Variants in ZDHHC14 observed in about 807,000 individuals in gnomAD.
ZDHHC14 encodes the protein palmitoyltransferase ZDHHC14.
A neutral mutation model predicts 47.7 loss-of-function variants in ZDHHC14; 16 were observed. The ratio of observed to expected loss-of-function variants is 0.34; its 90% CI spans 0.23 to 0.51. ZDHHC14 has a LOEUF of 0.51. Among genes scored for constraint, ZDHHC14 ranks in the 20% least tolerant of loss-of-function variants. The pLI, the probability that ZDHHC14 is intolerant of heterozygous loss-of-function variation, is 0.97. For missense variants in ZDHHC14, 515 were observed against 662.5 expected, an observed-to-expected ratio of 0.78 and a Z score of 2.44; for synonymous variants, 293 against 278.9, an observed-to-expected ratio of 1.05 and a Z score of -0.50.
intron 1 of ZDHHC14, among the ~76,000 whole-genome samples, chr6:157,494,613 C>T (rs1780010777): frequency 6.6e-6 from 1 of 152,232 alleles, no homozygotes; most frequent in Non-Finnish European, 1.5e-5. Flanking sequence ...ACATGACTTA[C>T]TTTCCTTGTA....
chr6:157,433,586 G>A (rs981378449), intron 1 of ZDHHC14, among the ~76,000 whole-genome samples: 4 of 152,140 alleles, frequency 2.6e-5, no homozygotes, highest in South Asian at 2.1e-4. Context: ...TGGTTACAAC[G>A]GGAGGAGTTG....
intron 1 of ZDHHC14, among the ~76,000 whole-genome samples, chr6:157,487,610 T>C (rs1313708084): frequency 6.6e-6 from 1 of 152,252 alleles, no homozygotes; most frequent in Non-Finnish European, 1.5e-5. Context: ...ATGGCGGAAC[T>C]GGGATGAAGC....
chr6:157,385,645 T>C (rs1777295256), intron 1 of ZDHHC14, among the ~76,000 whole-genome samples: 1 of 152,220 alleles, frequency 6.6e-6, no homozygotes, highest in African/African-American at 2.4e-5. Context: ...CTTTAGCCCC[T>C]GGAGAAAGGC....
At chr6:157,652,282 C>T (rs776800225) in intron 7 of ZDHHC14, among the ~76,000 whole-genome samples, 13 of 152,160 alleles carry the variant, frequency 8.5e-5, no homozygotes, top group Non-Finnish European at 4.4e-5. Context: ...TCCTGTGTTC[C>T]ACAGGACTGA....
At chr6:157,450,131 G>C (rs1027376148) in intron 1 of ZDHHC14, among the ~76,000 whole-genome samples, 1 of 151,770 alleles carries the variant, frequency 6.6e-6, no homozygotes, top group African/African-American at 2.4e-5. Context: ...GAGGACTTCT[G>C]CTTGGGATGG....
intron 8 of ZDHHC14, among the ~76,000 whole-genome samples, chr6:157,661,387 C>T (rs1031367525): frequency 6.6e-6 from 1 of 152,214 alleles, no homozygotes; most frequent in African/African-American, 2.4e-5. Context: ...TTTCATCTTA[C>T]ATGCTGGAAG....
At chr6:157,625,143 A>T (rs566454549) in intron 3 of ZDHHC14, among the ~76,000 whole-genome samples, 3 of 152,232 alleles carry the variant, frequency 2.0e-5, no homozygotes, top group Non-Finnish European at 2.9e-5. Flanking sequence ...TGCACTGGGG[A>T]CTAAGTTTCC....
chr6:157,414,344 C>G (rs1004407972), intron 1 of ZDHHC14, among the ~76,000 whole-genome samples: 3 of 152,220 alleles, frequency 2.0e-5, no homozygotes, highest in African/African-American at 7.2e-5. Flanking sequence ...GGCCTCTAAG[C>G]TTCCGCCCAT....
intron 1 of ZDHHC14, among the ~76,000 whole-genome samples, chr6:157,436,714 G>A (rs1778447641): frequency 6.6e-6 from 1 of 152,138 alleles, no homozygotes. Context: ...TGAGCCCCTA[G>A]AGGCATAGTG....
At chr6:157,383,662 C>A (rs1214114140) in intron 1 of ZDHHC14, among the ~76,000 whole-genome samples, 1 of 152,154 alleles carries the variant, frequency 6.6e-6, no homozygotes. Context: ...AAGCGAATTC[C>A]CCTTCCCCAG....
At chr6:157,448,546 T>A (rs1392515825) in intron 1 of ZDHHC14, among the ~76,000 whole-genome samples, 1 of 152,258 alleles carries the variant, frequency 6.6e-6, no homozygotes, top group Non-Finnish European at 1.5e-5. Flanking sequence ...CCATTGATAA[T>A]TTCCCAGAAA....
rs574611210 is a variant in ZDHHC14 at position 157,583,178 on chromosome 6, A to G, written c.407-9810A>G. 4.6e-5 allele frequency among the ~76,000 whole-genome samples: 7 copies of G among 152,010 alleles called. 2 individuals carry two copies. The South Asian group carries it at 1.5e-3, about 32-fold the overall frequency. On this transcript the variant is annotated intron_variant, in intron 2 of 8. Transcript: ENST00000359775. ...GGTTTCAACTTTCTCCTAAATCTCAATCATCTTTTTTGCTATCCATACTCT... is the reference window on the plus strand; with the variant it reads ...GGTTTCAACTTTCTCCTAAATCTCAGTCATCTTTTTTGCTATCCATACTCT...
At chr6:157,485,790 C>A (rs886145552) in intron 1 of ZDHHC14, among the ~76,000 whole-genome samples, 2 of 151,498 alleles carry the variant, frequency 1.3e-5, no homozygotes, top group African/African-American at 4.9e-5. Context: ...GCGGGTGGAT[C>A]ACTTGAGGTC....
At chr6:157,656,678 A>T (rs1388521778) in intron 8 of ZDHHC14, among the ~76,000 whole-genome samples, 1 of 149,024 alleles carries the variant, frequency 6.7e-6, no homozygotes, top group Non-Finnish European at 1.5e-5. Context: ...TGTGGGCTTG[A>T]GCACTGTGTC....
intron 1 of ZDHHC14, among the ~76,000 whole-genome samples, chr6:157,511,286 A>G (rs1023686158): frequency 6.6e-6 from 1 of 151,706 alleles, no homozygotes; most frequent in East Asian, 1.9e-4. Context: ...CTTTTAGTTT[A>G]TTTGCTTCCT....
chr6:157,531,219 C>A (rs993523901), intron 1 of ZDHHC14, among the ~76,000 whole-genome samples: 1 of 152,060 alleles, frequency 6.6e-6, no homozygotes, highest in African/African-American at 2.4e-5. Context: ...AAATATTTGT[C>A]GAGTGCCTAT....
At chr6:157,555,747 G>A (rs35573841) in intron 2 of ZDHHC14, among the ~76,000 whole-genome samples, 33,479 of 152,004 alleles carry the variant, frequency 0.22, 4,216 homozygotes, top group African/African-American at 0.34. Flanking sequence ...TGTGGGCCCC[G>A]CACCCCCACC....
chr6:157,660,180 CTTTTTTTCTTTTTTTT>C (rs1292814741), intron 8 of ZDHHC14, among the ~76,000 whole-genome samples: 1 of 135,274 alleles, frequency 7.4e-6, no homozygotes, highest in Non-Finnish European at 1.6e-5. Context: ...TTCTTACTTT[CTTTTTTTCTTTTTTTT>C]TTTTTTTTCT....
At chr6:157,478,079 T>A (rs368483805) in intron 1 of ZDHHC14, among the ~76,000 whole-genome samples, 4 of 152,346 alleles carry the variant, frequency 2.6e-5, no homozygotes, top group Admixed American at 1.3e-4. Flanking sequence ...ATAGAGCTAC[T>A]AGGTAATTAG....
Sources: allele counts gnomAD v4.1 joint callset (sites outside exome capture counted in the v4.1 genomes callset), GRCh38; gene constraint gnomAD v4.1.1; transcripts MANE v1.5; gene names NCBI Gene and HGNC (gene_info 2026-07-23, HGNC 2026-07-21).